MIS18A: variants seen among roughly 807,000 people sequenced by gnomAD.
MIS18A encodes the protein MIS18 kinetochore protein A.
Under a neutral mutation model 25.0 loss-of-function variants are expected in MIS18A, and 14 were observed. The observed-to-expected ratio is 0.56, with a 90% CI of 0.37 to 0.88. The LOEUF is 0.88. Among genes scored for constraint, MIS18A ranks in the 40% least tolerant of loss-of-function variants. The probability of loss-of-function intolerance (pLI) is 0.00; values close to 1 mark genes in which losing one functional copy is unlikely to be tolerated. For missense variants in MIS18A, 292 were observed against 290.8 expected (o/e 1.00, Z -0.03); for synonymous variants, 134 against 118.6 (o/e 1.13, Z -0.84).
chr21:32,241,554 A>G, the MIS18A span, among the ~76,000 whole-genome samples: 1 of 152,162 alleles, frequency 6.6e-6, no homozygotes, highest in African/African-American at 2.4e-5. Flanking sequence ...ATTTAGGAAG[A>G]CTTGGAGCCA....
At chr21:32,173,950 T>G in the MIS18A span, among the ~76,000 whole-genome samples, 1 of 142,744 alleles carries the variant, frequency 7.0e-6, no homozygotes, top group African/African-American at 2.7e-5. Context: ...AATATTACTT[T>G]TTAAGTTTTT....
chr21:32,189,634 C>CCATCCCTTTACGTTTTA, the MIS18A span, among the ~76,000 whole-genome samples: 1 of 152,170 alleles, frequency 6.6e-6, no homozygotes. Context: ...GCTGTTTCTC[C>CCATCCCTTTACGTTTTA]CATCCCTTTA....
At chr21:32,242,789 G>A in the MIS18A span, among the ~76,000 whole-genome samples, 1 of 152,312 alleles carries the variant, frequency 6.6e-6, no homozygotes, top group African/African-American at 2.4e-5. Flanking sequence ...GATGGACAGG[G>A]GTAGTGAAGA....
chr21:32,232,406 A>G, the MIS18A span, among the ~76,000 whole-genome samples: 1 of 150,716 alleles, frequency 6.6e-6, no homozygotes, highest in Non-Finnish European at 1.5e-5. Context: ...ATATCTTTAT[A>G]TTACATATAT....
chr21:32,200,157 A>G, the MIS18A span, among the ~76,000 whole-genome samples: 1 of 152,298 alleles, frequency 6.6e-6, no homozygotes, highest in South Asian at 2.1e-4. Flanking sequence ...CAACTATATC[A>G]CTGTAGCGCA....
intron 3 of MIS18A, among the ~76,000 whole-genome samples, chr21:32,270,070 T>C (rs1381262106): frequency 6.6e-6 from 1 of 152,088 alleles, no homozygotes; most frequent in African/African-American, 2.4e-5. Flanking sequence ...TGAGACCCCA[T>C]ATCTTAAAAA....
At chr21:32,248,898 T>C in the MIS18A span, among the ~76,000 whole-genome samples, 1 of 152,212 alleles carries the variant, frequency 6.6e-6, no homozygotes, top group Non-Finnish European at 1.5e-5. Flanking sequence ...AACTTGCCTT[T>C]TTTTCAAGGC....
At chr21:32,266,967 AACACAC>A (rs199958126), downstream of MIS18A, among the ~76,000 whole-genome samples, 1,672 of 149,504 alleles carry the variant, frequency 0.011, 39 homozygotes, top group African/African-American at 0.038. Flanking sequence ...GGACAAGTTA[AACACAC>A]ACACACACAC....
chr21:32,252,849 G>A, the MIS18A span, among the ~76,000 whole-genome samples: 1 of 152,200 alleles, frequency 6.6e-6, no homozygotes, highest in African/African-American at 2.4e-5. Context: ...AGGGATCCCA[G>A]AGAATGACTG....
At chr21:32,254,022 G>T in the MIS18A span, among the ~76,000 whole-genome samples, 14 of 151,152 alleles carry the variant, frequency 9.3e-5, no homozygotes, top group South Asian at 6.3e-4. Flanking sequence ...GGATCACAAG[G>T]TCAGGAGTTC....
chr21:32,248,431 G>A, the MIS18A span, among the ~76,000 whole-genome samples: 1 of 152,126 alleles, frequency 6.6e-6, no homozygotes, highest in Non-Finnish European at 1.5e-5. Flanking sequence ...TTATCCCCCT[G>A]AGCGCTCAGC....
chr21:32,273,216 C>T (rs922808484), intron 2 of MIS18A, among the ~76,000 whole-genome samples: 8 of 151,942 alleles, frequency 5.3e-5, no homozygotes, highest in East Asian at 1.9e-4. Flanking sequence ...ACCACCCTCC[C>T]GGCATCTCAT....
chr21:32,196,531 G>A, the MIS18A span, among the ~76,000 whole-genome samples: 15 of 150,920 alleles, frequency 9.9e-5, no homozygotes, highest in African/African-American at 3.4e-4. Context: ...CACAATCTCG[G>A]CTCACTGCAA....
rs762541519 is a variant in MIS18A at position 32,278,824 on chromosome 21, A to G, written c.191T>C (p.Met64Thr). The change falls in exon 1 of 5, where the codon ATG becomes ACG. Residue 64 changes from methionine to threonine, a missense_variant. Coordinates refer to ENST00000290130, the MANE Select transcript of MIS18A (RefSeq NM_018944.3). ...CTCCTCCTCCAGCTGCGCCCTCTCC[A>G]TGTCGGCCACCGACGCGTCTTCGCT... ...SMSEDASVADMERAQLEEEAA... is the reference protein window; with the variant it reads ...SMSEDASVADTERAQLEEEAA... 24 of 1,602,568 alleles carry G rather than the reference A, an allele frequency of 1.5e-5. No homozygotes were observed. The highest frequency in any genetic ancestry group is 2.0e-5 in the Non-Finnish European group (24 of 1,176,220).
the MIS18A span, among the ~76,000 whole-genome samples, chr21:32,242,209 G>A: frequency 6.6e-6 from 1 of 152,216 alleles, no homozygotes; most frequent in African/African-American, 2.4e-5. Flanking sequence ...GCAAGAAGCA[G>A]CCTGAGAGCG....
At chr21:32,167,104 T>G in the MIS18A span, among the ~76,000 whole-genome samples, 1 of 152,240 alleles carries the variant, frequency 6.6e-6, no homozygotes, top group African/African-American at 2.4e-5. Flanking sequence ...CTGAGCTTAA[T>G]GAAGACCACA....
the MIS18A span, among the ~76,000 whole-genome samples, chr21:32,164,654 T>C: frequency 2.2e-4 from 33 of 150,880 alleles, no homozygotes; most frequent in African/African-American, 8.0e-4. Flanking sequence ...TTTGTATATA[T>C]ATTTTTATAT....
At chr21:32,178,474 A>G in the MIS18A span, among the ~76,000 whole-genome samples, 4 of 152,030 alleles carry the variant, frequency 2.6e-5, no homozygotes, top group African/African-American at 9.7e-5. Flanking sequence ...TATTTTTTAA[A>G]GTTACTAATA....
At chr21:32,216,925 C>A in the MIS18A span, among the ~76,000 whole-genome samples, 2 of 152,314 alleles carry the variant, frequency 1.3e-5, no homozygotes, top group East Asian at 3.9e-4. Context: ...ACAAAGAAGA[C>A]AGACTTTACA....
Sources: gnomAD v4.1 joint callset for allele counts (sites outside exome capture counted in the v4.1 genomes callset) on GRCh38, gnomAD v4.1.1 for gene constraint, MANE v1.5 for transcripts, NCBI Gene and HGNC (gene_info 2026-07-23, HGNC 2026-07-21) for gene names.